The following SLC35F1 variants were observed in gnomAD, a reference collection of about 807,000 sequenced individuals.
SLC35F1 encodes chromosome 6 open reading frame 169.
In SLC35F1, 14 loss-of-function variants were observed where a neutral mutation model predicts 48.7. The ratio of observed to expected loss-of-function variants is 0.29; its 90% CI spans 0.19 to 0.45. The LOEUF is 0.45. Among genes scored for constraint, SLC35F1 ranks in the 20% least tolerant of loss-of-function variants. The pLI is 1.00. For synonymous variants in SLC35F1, 190 were observed against 202.2 expected (o/e 0.94, Z 0.51); for missense variants, 404 against 500.0 (o/e 0.81, Z 1.83).
At chr6:117,978,155 C>T (rs951346103) in intron 1 of SLC35F1, among the ~76,000 whole-genome samples, 20 of 152,230 alleles carry the variant, frequency 1.3e-4, no homozygotes, top group African/African-American at 4.6e-4. Context: ...GACCTATCTT[C>T]TCCCTCCAAA....
chr6:118,260,027 A>G (rs1775692877), intron 3 of SLC35F1, among the ~76,000 whole-genome samples: 1 of 152,186 alleles, frequency 6.6e-6, no homozygotes, highest in Non-Finnish European at 1.5e-5. Flanking sequence ...CATACAGTGC[A>G]ATATTATTCA....
intron 1 of SLC35F1, among the ~76,000 whole-genome samples, chr6:118,088,314 GTATTTCCATC>G (rs1272621086): frequency 6.6e-6 from 1 of 152,136 alleles, no homozygotes. Context: ...CAATTTGTAA[GTATTTCCATC>G]CCTGGCACTG....
intron 7 of SLC35F1, among the ~76,000 whole-genome samples, chr6:118,308,461 C>T (rs995682653): frequency 1.3e-5 from 2 of 152,156 alleles, no homozygotes; most frequent in African/African-American, 4.8e-5. Context: ...AGCTCCGAAA[C>T]CCACATTTTC....
intron 1 of SLC35F1, among the ~76,000 whole-genome samples, chr6:118,139,494 A>G (rs2114439270): frequency 6.6e-6 from 1 of 152,320 alleles, no homozygotes; most frequent in East Asian, 1.9e-4. Context: ...GACATGCAGA[A>G]CTGGGATACA....
At chr6:118,138,485 G>A (rs572455961) in intron 1 of SLC35F1, among the ~76,000 whole-genome samples, 18 of 152,226 alleles carry the variant, frequency 1.2e-4, no homozygotes, top group African/African-American at 4.1e-4. Context: ...AATGACCCAA[G>A]GTCAGGCTGA....
chr6:118,073,648 G>T (rs955919946), intron 1 of SLC35F1, among the ~76,000 whole-genome samples: 9 of 151,956 alleles, frequency 5.9e-5, no homozygotes, highest in Admixed American at 2.0e-4. Context: ...ATCAAAATGA[G>T]ATTTATAAGT....
chr6:117,955,688 G>A (rs1035103886), intron 1 of SLC35F1, among the ~76,000 whole-genome samples: 1 of 152,180 alleles, frequency 6.6e-6, no homozygotes, highest in African/African-American at 2.4e-5. Context: ...GAAAGGGTGA[G>A]AGAAAAATGG....
At chr6:118,190,364 C>A (rs1311011846) in intron 2 of SLC35F1, among the ~76,000 whole-genome samples, 2 of 151,956 alleles carry the variant, frequency 1.3e-5, no homozygotes, top group Non-Finnish European at 2.9e-5. Flanking sequence ...ACGAGCAACT[C>A]CATTTTGGTT....
intron 4 of SLC35F1, among the ~76,000 whole-genome samples, chr6:118,273,780 A>T (rs1775886951): frequency 1.3e-5 from 2 of 151,872 alleles, no homozygotes; most frequent in Non-Finnish European, 2.9e-5. Flanking sequence ...GTGATGCCTA[A>T]CTCCCCATGA....
At chr6:117,987,711 T>C (rs1038346892) in intron 1 of SLC35F1, among the ~76,000 whole-genome samples, 4 of 152,182 alleles carry the variant, frequency 2.6e-5, no homozygotes, top group African/African-American at 9.7e-5. Context: ...ATTTCCATAA[T>C]TATTTTGCTC....
chr6:118,158,433 T>C (rs1774176780), intron 2 of SLC35F1, among the ~76,000 whole-genome samples: 2 of 152,174 alleles, frequency 1.3e-5, no homozygotes, highest in Non-Finnish European at 2.9e-5. Context: ...AAGTTCTCCT[T>C]TCTCACCGCT....
chr6:117,995,751 A>T (rs891443522), intron 1 of SLC35F1, among the ~76,000 whole-genome samples: 1 of 152,164 alleles, frequency 6.6e-6, no homozygotes, highest in Admixed American at 6.5e-5. Context: ...GAAAAAATAA[A>T]TAAATGAAAT....
chr6:118,188,942 C>G (rs1774696612), intron 2 of SLC35F1, among the ~76,000 whole-genome samples: 1 of 152,108 alleles, frequency 6.6e-6, no homozygotes. Flanking sequence ...GAGACAGAGT[C>G]TTACTCTCAC....
chr6:118,204,051 G>C (rs759612811), intron 2 of SLC35F1, among the ~76,000 whole-genome samples: 1 of 151,540 alleles, frequency 6.6e-6, no homozygotes, highest in Non-Finnish European at 1.5e-5. Context: ...TTAGGATGGA[G>C]GGCCTACTTT....
chr6:117,943,860 C>T (rs988315986), intron 1 of SLC35F1, among the ~76,000 whole-genome samples: 1 of 152,090 alleles, frequency 6.6e-6, no homozygotes, highest in Non-Finnish European at 1.5e-5. Context: ...TTTTCTTTTG[C>T]CTACTCTTAT....
intron 1 of SLC35F1, among the ~76,000 whole-genome samples, chr6:118,036,250 A>G (rs1772130582): frequency 6.6e-6 from 1 of 152,116 alleles, no homozygotes; most frequent in South Asian, 2.1e-4. Flanking sequence ...AGGTAAATGT[A>G]TTTCATGATT....
chr6:118,245,387 G>A (rs1775494028), intron 3 of SLC35F1, among the ~76,000 whole-genome samples: 1 of 152,166 alleles, frequency 6.6e-6, no homozygotes, highest in Non-Finnish European at 1.5e-5. Context: ...GGATTTCCAG[G>A]AGGTTTGTGT....
At chr6:118,192,248 T>G (rs1273708342) in intron 2 of SLC35F1, among the ~76,000 whole-genome samples, 1 of 152,166 alleles carries the variant, frequency 6.6e-6, no homozygotes, top group East Asian at 1.9e-4. Flanking sequence ...AAGTATTTCC[T>G]TGGTATTCAA....
At chr6:118,166,165 TA>T (rs71736225) in intron 2 of SLC35F1, among the ~76,000 whole-genome samples, 3,572 of 147,280 alleles carry the variant, frequency 0.024, 67 homozygotes, top group Non-Finnish European at 0.04. Context: ...AATGCAAGAT[TA>T]AAAAAAAAAG....
Sources: gnomAD v4.1 joint callset for allele counts (sites outside exome capture counted in the v4.1 genomes callset) on GRCh38, gnomAD v4.1.1 for gene constraint, MANE v1.5 for transcripts, NCBI Gene and HGNC (gene_info 2026-07-23, HGNC 2026-07-21) for gene names.